Variants in CFAP61 observed in about 807,000 individuals in gnomAD.
CFAP61 encodes the protein cilia and flagella associated protein 61.
Under a neutral mutation model 135.6 loss-of-function variants are expected in CFAP61, and 107 were observed. The observed-to-expected ratio is 0.79, with a 90% CI of 0.67 to 0.93. CFAP61 has a LOEUF of 0.93. CFAP61 is among the 40% of genes least tolerant of loss of function. CFAP61 has a pLI of 0.00. For synonymous variants in CFAP61, 575 were observed against 578.5 expected, an observed-to-expected ratio of 0.99 and a Z score of 0.09; for missense variants, 1,507 against 1,556.2, an observed-to-expected ratio of 0.97 and a Z score of 0.53.
At chr20:20,185,083 C>T (rs943487486) in intron 13 of CFAP61, among the ~76,000 whole-genome samples, 11 of 152,118 alleles carry the variant, frequency 7.2e-5, no homozygotes, top group Non-Finnish European at 1.6e-4. Context: ...AGCTTATGCT[C>T]GTAAATGTAG....
chr20:20,149,040 G>GA (rs1260781303), intron 9 of CFAP61, among the ~76,000 whole-genome samples: 1 of 152,178 alleles, frequency 6.6e-6, no homozygotes, highest in African/African-American at 2.4e-5. Flanking sequence ...CATTACTCAT[G>GA]AAAAAACATG....
At position 20,097,650 on chromosome 20, in the gene CFAP61, C is replaced by G. The variant is rs193297136; in HGVS notation, c.700-1005C>G. ...TCGCCTATGTATTACTCATCAAAGACTGAAAATCATGGGGACGACTGCAAG... is the reference window on the plus strand; with the variant it reads ...TCGCCTATGTATTACTCATCAAAGAGTGAAAATCATGGGGACGACTGCAAG... On this transcript the variant is annotated intron_variant, in intron 7 of 26. Coordinates refer to ENST00000245957, the MANE Select transcript of CFAP61 (RefSeq NM_015585.4). Among the ~76,000 whole-genome samples the G allele has an allele frequency of 5.4e-4, 83 of 152,318 alleles. 1 individual carries two copies. The highest frequency in any genetic ancestry group is 1.0e-3 in the Non-Finnish European group (68 of 68,032).
intron 8 of CFAP61, among the ~76,000 whole-genome samples, chr20:20,129,411 TG>T (rs999180973): frequency 2.6e-5 from 4 of 151,804 alleles, no homozygotes; most frequent in African/African-American, 9.7e-5. Flanking sequence ...CTGCCCTGTA[TG>T]GTTTCTGTGA....
chr20:20,296,397 GCCTT>G (rs1218967206), intron 24 of CFAP61, among the ~76,000 whole-genome samples: 10 of 58,260 alleles, frequency 1.7e-4, no homozygotes, highest in South Asian at 1.4e-3. Flanking sequence ...CCTCCTTCCT[GCCTT>G]CCTTCTTTCT....
intron 26 of CFAP61, among the ~76,000 whole-genome samples, chr20:20,357,103 T>G (rs1420028305): frequency 1.0e-4 from 8 of 77,756 alleles, no homozygotes; most frequent in South Asian, 4.8e-4. Context: ...TGAGGGGAGG[T>G]GGTCATACTG....
intron 8 of CFAP61, among the ~76,000 whole-genome samples, chr20:20,121,977 C>T (rs1009368146): frequency 9.3e-5 from 14 of 149,898 alleles, no homozygotes; most frequent in East Asian, 1.9e-4. Flanking sequence ...GTAAGTTATT[C>T]GGGTACAGGT....
intron 25 of CFAP61, among the ~76,000 whole-genome samples, chr20:20,337,001 C>T (rs1323550175): frequency 6.6e-6 from 1 of 152,236 alleles, no homozygotes. Flanking sequence ...ATATTCGATT[C>T]ATGGCAAAGA....
intron 26 of CFAP61, among the ~76,000 whole-genome samples, chr20:20,350,032 T>C (rs572974073): frequency 8.6e-4 from 131 of 152,320 alleles, no homozygotes; most frequent in African/African-American, 3.0e-3. Context: ...AGAATAGATA[T>C]ATAGATCAAT....
chr20:20,165,738 A>T (rs1471184355), intron 11 of CFAP61, among the ~76,000 whole-genome samples: 1 of 152,074 alleles, frequency 6.6e-6, no homozygotes, highest in Non-Finnish European at 1.5e-5. Context: ...TCTTCAGAGG[A>T]TCTGTTTAAA....
In CFAP61 at chr20:20,277,097, T is replaced by G. The variant is rs1316466063; in HGVS notation, c.2504-69T>G. On this transcript the variant is annotated intron_variant, in intron 21 of 26. Coordinates refer to ENST00000245957, the MANE Select transcript of CFAP61 (RefSeq NM_015585.4). ...AGGGTTATACGGAGCAATTCGGCAT[T>G]ATTAGCATTTGACTAAGGTTTTTTG... The G allele has an allele frequency of 3.2e-6, 4 of 1,254,286 alleles. No homozygotes were observed. In the African/African-American group the frequency reaches 4.5e-5, roughly 14 times the overall value. 77.7% of individuals were successfully genotyped at this position (1,254,286 alleles called of 1,614,324 possible). A position where few individuals can be genotyped will look rare whatever the true frequency, so the allele number is the denominator to read the frequency against.
At chr20:20,241,231 C>A (rs1302383577) in intron 18 of CFAP61, among the ~76,000 whole-genome samples, 1 of 152,080 alleles carries the variant, frequency 6.6e-6, no homozygotes, top group African/African-American at 2.4e-5. Context: ...TCCCCATTTT[C>A]TTTATGACAT....
intron 25 of CFAP61, among the ~76,000 whole-genome samples, chr20:20,303,061 T>C (rs2056207840): frequency 6.6e-6 from 1 of 152,214 alleles, no homozygotes; most frequent in African/African-American, 2.4e-5. Context: ...AATGAATTCA[T>C]TTGCTCCTTC....
chr20:20,249,508 T>C (rs2146981145), intron 19 of CFAP61, among the ~76,000 whole-genome samples: 2 of 152,298 alleles, frequency 1.3e-5, no homozygotes. Flanking sequence ...CACTGTGCTC[T>C]AGGCTGGGTG....
intron 15 of CFAP61, among the ~76,000 whole-genome samples, chr20:20,194,414 T>G (rs2056142137): frequency 6.6e-6 from 1 of 152,220 alleles, no homozygotes; most frequent in Non-Finnish European, 1.5e-5. Context: ...TGGTATCAGC[T>G]TGTTTATTAC....
intron 2 of CFAP61, among the ~76,000 whole-genome samples, chr20:20,057,499 C>G (rs1386486299): frequency 1.3e-5 from 2 of 152,194 alleles, no homozygotes; most frequent in Admixed American, 1.3e-4. Context: ...ACTATCATGT[C>G]CATCTCACAG....
intron 15 of CFAP61, 106 bp downstream of exon 15, chr20:20,191,525 T>C (rs2055919169): frequency 1.5e-6 from 1 of 675,188 alleles, no homozygotes; most frequent in African/African-American, 1.8e-5. Flanking sequence ...TTAATGTGAA[T>C]GCCTCCTTTT....
At chr20:20,193,389 C>T (rs146488670) in intron 15 of CFAP61, among the ~76,000 whole-genome samples, 76 of 152,036 alleles carry the variant, frequency 5.0e-4, no homozygotes, top group Admixed American at 6.5e-4. Flanking sequence ...TTTTTGACAT[C>T]GAGATGTTCA....
intron 13 of CFAP61, 24 bp downstream of exon 13, chr20:20,169,484 C>T (rs775518945): frequency 6.4e-7 from 1 of 1,553,220 alleles, no homozygotes; most frequent in South Asian, 1.3e-5. Flanking sequence ...TGTTTGGCCA[C>T]ACAACAATCC....
At chr20:20,063,396 G>A (rs941168124) in intron 2 of CFAP61, among the ~76,000 whole-genome samples, 1 of 152,100 alleles carries the variant, frequency 6.6e-6, no homozygotes, top group African/African-American at 2.4e-5. Context: ...ATCTAATGAT[G>A]AACTAAAAAG....
Sources: allele counts gnomAD v4.1 joint callset (sites outside exome capture counted in the v4.1 genomes callset), GRCh38; gene constraint gnomAD v4.1.1; transcripts MANE v1.5; gene names NCBI Gene and HGNC (gene_info 2026-07-23, HGNC 2026-07-21).